The following SPDYE3 variants were observed in gnomAD, a reference collection of about 807,000 sequenced individuals.
SPDYE3 encodes speedy/RINGO cell cycle regulator family member E3.
In SPDYE3, 15 loss-of-function variants were observed where a neutral mutation model predicts 55.0. The observed-to-expected ratio is 0.27, with a 90% CI of 0.18 to 0.42. The LOEUF (loss-of-function observed/expected upper bound fraction) is 0.42, where lower values mean the gene tolerates loss of function less well. SPDYE3 is among the 10% of genes least tolerant of loss of function. The pLI is 1.00. For synonymous variants in SPDYE3, 89 were observed against 229.9 expected (o/e 0.39, Z 5.55); for missense variants, 236 against 576.7 (o/e 0.41, Z 6.05).
chr7:100,309,896 A>T (rs1805919521), intron 2 of SPDYE3, among the ~76,000 whole-genome samples: 1 of 147,554 alleles, frequency 6.8e-6, no homozygotes. Context: ...GGAGTTTGAG[A>T]CCAGCCTGGC....
Position 100,315,678 on chromosome 7 carries a change from A to G in SPDYE3, c.1202-107A>G, listed in dbSNP as rs886958595. ...TCTCCCATCCACCTCACCCGCGGCCACAATCCTGAGACTTTCCCCCGGGAG... is the reference window on the plus strand; with the variant it reads ...TCTCCCATCCACCTCACCCGCGGCCGCAATCCTGAGACTTTCCCCCGGGAG... On this transcript the variant is annotated intron_variant, in intron 6 of 10. Transcript: ENST00000332397. 2.7e-5 allele frequency: 42 copies of G among 1,572,208 alleles called. No individual in the cohort carries two copies. In the African/African-American group the frequency reaches 4.7e-4, roughly 18 times the overall value.
chr7:100,308,076 C>T (rs565564199), intron 1 of SPDYE3, 85 bp downstream of exon 1: 18 of 1,440,836 alleles, frequency 1.2e-5, no homozygotes, highest in Non-Finnish European at 1.6e-5. Flanking sequence ...ACCCCTGTAA[C>T]ACCAACACTT....
chr7:100,313,034 C>T (rs1806000930), intron 4 of SPDYE3, 106 bp from the exon 5 acceptor site: 2 of 552,502 alleles, frequency 3.6e-6, no homozygotes, highest in Non-Finnish European at 3.3e-6. Flanking sequence ...GAGAAGCCAG[C>T]AGTCTGCGAG....
chr7:100,316,265 C>T (rs3991510), intron 7 of SPDYE3, among the ~76,000 whole-genome samples: 1 of 152,248 alleles, frequency 6.6e-6, no homozygotes. Context: ...GCACTGTGTC[C>T]GACCAGCTCC....
intron 1 of SPDYE3, among the ~76,000 whole-genome samples, chr7:100,308,634 G>A (rs1218893730): frequency 6.6e-6 from 1 of 151,914 alleles, no homozygotes; most frequent in Non-Finnish European, 1.5e-5. Flanking sequence ...ACTGGAATCC[G>A]GGAGATGGAT....
At chr7:100,309,758 C>T (rs1563091843) in intron 2 of SPDYE3, among the ~76,000 whole-genome samples, 1 of 142,004 alleles carries the variant, frequency 7.0e-6, no homozygotes, top group Non-Finnish European at 1.5e-5. Context: ...AAAGAAGGGT[C>T]AGAGGTCAGG....
At position 100,319,725 on chromosome 7, in the gene SPDYE3, A is replaced by G. The variant is rs370261673; in HGVS notation, c.1507A>G (p.Ile503Val). 2 of 1,614,192 alleles carry G rather than the reference A, an allele frequency of 1.2e-6. No individual in the cohort carries two copies. The highest frequency in any genetic ancestry group is 1.7e-6 in the Non-Finnish European group (2 of 1,180,024). Reference protein sequence around the residue: ...NPRARKNCSQIALFQKRRFQF... With the variant: ...NPRARKNCSQVALFQKRRFQF... ...GAGGGCCAGGAAGAACTGCTCTCAGATAGCCTTGTTCCAGAAGCGTCGGTT... is the reference window on the plus strand; with the variant it reads ...GAGGGCCAGGAAGAACTGCTCTCAGGTAGCCTTGTTCCAGAAGCGTCGGTT... Residue 503 changes from isoleucine to valine, a missense_variant, in exon 9 of 11, where the codon ATA (isoleucine) becomes GTA (valine). By Grantham distance (29) the Ile-to-Val change is conservative. Coordinates refer to ENST00000332397, the MANE Select transcript of SPDYE3 (RefSeq NM_001004351.5).
intron 8 of SPDYE3, 29 bp from the exon 9 acceptor site, chr7:100,319,536 C>T (rs777824913): frequency 1.8e-5 from 29 of 1,613,936 alleles, no homozygotes; most frequent in Non-Finnish European, 4.2e-6. Context: ...GGTGGTGCCC[C>T]TGAGCAGCAA....
rs1243350312 is a variant in SPDYE3 at position 100,321,850 on chromosome 7, TTAAA to T, written c.*1008_*1011del. 3 of 148,156 alleles carry T rather than the reference TTAAA, an allele frequency of 2.0e-5. No individual in the cohort carries two copies. The highest frequency in any genetic ancestry group is 4.5e-5 in the Non-Finnish European group (3 of 67,194). The allele number at this position is 148,156 out of a possible 1,614,324, so 9.2% of individuals were successfully genotyped here. ...ATATTTATTAAATATATTTATTTAT[TTAAA>T]TATTTATTAAATATATTTATTTATT... is the stretch of plus-strand genomic sequence containing the variant. On this transcript the variant is annotated 3_prime_UTR_variant, in exon 11 of 11. Coordinates refer to ENST00000332397, the MANE Select transcript of SPDYE3 (RefSeq NM_001004351.5).
rs1406934544 is a variant in SPDYE3 at position 100,317,146 on chromosome 7, T to C, written c.1337T>C (p.Phe446Ser). ...TGGCAATACCAACGCATTCATTTCT[T>C]CCTGGCTCTGTGAGTGGTTTGCTGC... ...PSWQYQRIHF[F>S]LALYLANDME... is the part of the protein sequence containing the mutation. The change falls in exon 8 of 11, where the codon TTC (phenylalanine) becomes TCC (serine). Residue 446 changes from phenylalanine (F) to serine (S), a missense_variant. Transcript: ENST00000332397. 8.7e-6 allele frequency: 14 copies of C among 1,611,904 alleles called. No homozygotes were observed. The highest frequency in any genetic ancestry group is 9.3e-6 in the Non-Finnish European group (11 of 1,179,746).
chr7:100,320,919 T>C lies in SPDYE3; in HGVS notation c.*74T>C. ...ACCGGACCCAGGGGAGATGTGGATT[T>C]TCAGCAGGAACTTTATTCCAGTGCT... On this transcript the variant is annotated 3_prime_UTR_variant, in exon 11 of 11. Coordinates refer to ENST00000332397, the MANE Select transcript of SPDYE3 (RefSeq NM_001004351.5). The C allele has an allele frequency of 8.1e-7, 1 of 1,233,848 alleles. No homozygotes were observed. The highest frequency in any genetic ancestry group is 1.1e-6 in the Non-Finnish European group (1 of 915,166). The allele number at this position is 1,233,848 out of a possible 1,614,324, so 76.4% of individuals were successfully genotyped here. A position where few individuals can be genotyped will look rare whatever the true frequency, so the allele number is the denominator to read the frequency against.
At chr7:100,313,960 G>C (rs1184121489) in intron 5 of SPDYE3, among the ~76,000 whole-genome samples, 8 of 59,590 alleles carry the variant, frequency 1.3e-4, no homozygotes, top group African/African-American at 4.8e-4. Flanking sequence ...CCTGGGGAGG[G>C]TGTGTGGGAA....
At chr7:100,308,058 G>A (rs1393475731) in intron 1 of SPDYE3, 67 bp downstream of exon 1, 6 of 1,485,638 alleles carry the variant, frequency 4.0e-6, no homozygotes, top group African/African-American at 1.4e-5. Flanking sequence ...GGCCAGGTGC[G>A]GTAGCTCACC....
intron 2 of SPDYE3, among the ~76,000 whole-genome samples, chr7:100,310,102 G>A (rs377390485): frequency 0.034 from 4,035 of 118,786 alleles, 76 homozygotes; most frequent in Middle Eastern, 0.051. Flanking sequence ...TCTCGAAACA[G>A]AAAAAAAAAA....
At position 100,322,184 on chromosome 7, in the gene SPDYE3, TA is replaced by T. The variant is rs1300167886; in HGVS notation, c.*1340del. The T allele has an allele frequency of 6.6e-6, 1 of 152,012 alleles. No homozygotes were observed. Among genetic ancestry groups the T allele is most frequent in the Non-Finnish European group, 1.5e-5 (1 of 68,016 alleles). The allele number at this position is 152,012 out of a possible 1,614,324, so 9.4% of individuals were successfully genotyped here. A position where few individuals can be genotyped will look rare whatever the true frequency, so the allele number is the denominator to read the frequency against. On this transcript the variant is annotated 3_prime_UTR_variant, in exon 11 of 11. Coordinates refer to ENST00000332397, the MANE Select transcript of SPDYE3 (RefSeq NM_001004351.5). The stretch of plus-strand genomic sequence containing the variant: ...CTAAATTCTTGTAAAAATAAATTTT[TA>T]TTTGATATTTAGTGTATGTTTGAAA...
intron 7 of SPDYE3, 123 bp downstream of exon 7, chr7:100,315,966 G>A (rs528335568): frequency 4.1e-6 from 6 of 1,466,888 alleles, no homozygotes; most frequent in African/African-American, 1.4e-5. Context: ...AGTTTTTTTT[G>A]TTTTTGTTTT....
chr7:100,308,033 A>C, intron 1 of SPDYE3, 42 bp downstream of exon 1: 1 of 1,516,626 alleles, frequency 6.6e-7, no homozygotes, highest in Non-Finnish European at 8.8e-7. Context: ...AGGATTGACT[A>C]AGACGAAGGA....
chr7:100,320,146 C>T, intron 10 of SPDYE3, 111 bp downstream of exon 10: 2 of 1,528,530 alleles, frequency 1.3e-6, no homozygotes, highest in Non-Finnish European at 1.8e-6. Context: ...GCGAGATATC[C>T]CCTCTCCACA....
intron 1 of SPDYE3, among the ~76,000 whole-genome samples, chr7:100,308,347 A>AAAG (rs1554444004): frequency 1.2e-4 from 18 of 149,944 alleles, no homozygotes; most frequent in East Asian, 3.9e-4. Context: ...AAAAAAAAAA[A>AAAG]AAGAAGAAGA....
Sources: allele counts gnomAD v4.1 joint callset (sites outside exome capture counted in the v4.1 genomes callset), GRCh38; gene constraint gnomAD v4.1.1; transcripts MANE v1.5; gene names NCBI Gene and HGNC (gene_info 2026-07-23, HGNC 2026-07-21).